Variants in REEP1 observed in about 807,000 individuals in gnomAD.
REEP1 encodes receptor accessory protein 1.
REEP1 carries 22 observed loss-of-function variants against 40.3 expected under a neutral mutation model. The ratio of observed to expected loss-of-function variants is 0.55; its 90% CI spans 0.39 to 0.78. REEP1 has a LOEUF of 0.78. Ranked by LOEUF, REEP1 falls within the 30% of genes least tolerant of loss-of-function variation. The pLI is 0.00. For synonymous variants in REEP1, 116 were observed against 139.2 expected (o/e 0.83, Z 1.17); for missense variants, 280 against 361.1 (o/e 0.78, Z 1.82).
chr2:86,239,414 A>T (rs59254005), intron 5 of REEP1, among the ~76,000 whole-genome samples: 3,250 of 152,236 alleles, frequency 0.021, 119 homozygotes, highest in African/African-American at 0.072. Context: ...ACTTGACACA[A>T]TATCTAATGC....
At chr2:86,251,687 G>A (rs1676281256) in intron 5 of REEP1, 2 of 510,634 alleles carry the variant, frequency 3.9e-6, no homozygotes, top group Non-Finnish European at 7.1e-6. Context: ...GGTTGGATAA[G>A]TTAGAAATTC....
chr2:86,221,856 C>T (rs1183790002), intron 7 of REEP1, among the ~76,000 whole-genome samples: 3 of 152,192 alleles, frequency 2.0e-5, no homozygotes, highest in Non-Finnish European at 4.4e-5. Context: ...ACACAGATAC[C>T]TCCTGCCTGG....
At chr2:86,284,719 C>T (rs1181025016) in intron 1 of REEP1, among the ~76,000 whole-genome samples, 1 of 152,136 alleles carries the variant, frequency 6.6e-6, no homozygotes, top group Non-Finnish European at 1.5e-5. Context: ...TACAGCGCTA[C>T]CCAGGAGCTG....
At chr2:86,225,690 G>T (rs149473283) in intron 7 of REEP1, among the ~76,000 whole-genome samples, 3 of 152,250 alleles carry the variant, frequency 2.0e-5, no homozygotes, top group Non-Finnish European at 2.9e-5. Flanking sequence ...GCTCACTGCC[G>T]ATGTGGGAGG....
intron 5 of REEP1, among the ~76,000 whole-genome samples, chr2:86,233,607 T>C (rs1167862470): frequency 6.6e-6 from 1 of 152,076 alleles, no homozygotes; most frequent in Non-Finnish European, 1.5e-5. Flanking sequence ...ATGATCACAG[T>C]GAAGGCTCAG....
intron 5 of REEP1, among the ~76,000 whole-genome samples, chr2:86,249,908 G>A (rs930178891): frequency 6.6e-6 from 1 of 152,144 alleles, no homozygotes; most frequent in East Asian, 1.9e-4. Flanking sequence ...AGCCCCACAA[G>A]GCAGAAAATT....
chr2:86,316,914 A>G (rs116387700), intron 1 of REEP1, among the ~76,000 whole-genome samples: 4,588 of 152,334 alleles, frequency 0.03, 119 homozygotes, highest in East Asian at 0.07. Flanking sequence ...AGTATCAGAC[A>G]AGATACCCTG....
intron 2 of REEP1, among the ~76,000 whole-genome samples, chr2:86,280,943 TAA>T (rs1678049738): frequency 6.6e-6 from 1 of 152,128 alleles, no homozygotes; most frequent in African/African-American, 2.4e-5. Context: ...GACATCTGAG[TAA>T]AAGAGGCAAA....
chr2:86,239,208 CAAAAAAAAAAAAA>C (rs35714309), intron 5 of REEP1, among the ~76,000 whole-genome samples: 1 of 58,360 alleles, frequency 1.7e-5, no homozygotes, highest in Admixed American at 2.5e-4. Flanking sequence ...CCATCTAGAC[CAAAAAAAAAAAAA>C]AAAAAAAAAA....
intron 2 of REEP1, among the ~76,000 whole-genome samples, chr2:86,275,217 G>C (rs1677692936): frequency 6.6e-6 from 1 of 150,756 alleles, no homozygotes; most frequent in African/African-American, 2.5e-5. Context: ...TATAGTCAGG[G>C]GTGACCCTAG....
chr2:86,333,612 T>C (rs980697353), intron 1 of REEP1, among the ~76,000 whole-genome samples: 1 of 152,194 alleles, frequency 6.6e-6, no homozygotes, highest in African/African-American at 2.4e-5. Context: ...GCCAAGACAA[T>C]GAGGCAATAC....
chr2:86,268,643 T>C (rs2104330283), intron 2 of REEP1, among the ~76,000 whole-genome samples: 1 of 152,160 alleles, frequency 6.6e-6, no homozygotes, highest in South Asian at 2.1e-4. Flanking sequence ...AAAGTTTATA[T>C]GGAAAGGTAA....
chr2:86,330,711 G>A (rs1680727262), intron 1 of REEP1, among the ~76,000 whole-genome samples: 1 of 151,988 alleles, frequency 6.6e-6, no homozygotes, highest in South Asian at 2.1e-4. Flanking sequence ...CTCCCAAAGT[G>A]CTGGGATTAC....
intron 1 of REEP1, among the ~76,000 whole-genome samples, chr2:86,295,345 C>A (rs1678925980): frequency 6.6e-6 from 1 of 152,228 alleles, no homozygotes; most frequent in South Asian, 2.1e-4. Flanking sequence ...GGCTGCACAG[C>A]TCCAAGGGCC....
intron 7 of REEP1, among the ~76,000 whole-genome samples, chr2:86,225,816 C>T (rs957474189): frequency 2.6e-5 from 4 of 152,244 alleles, no homozygotes; most frequent in African/African-American, 9.6e-5. Flanking sequence ...CACGGCCCCT[C>T]TTGCCTTCCA....
intron 4 of REEP1, among the ~76,000 whole-genome samples, chr2:86,254,386 GCT>G (rs1676434093): frequency 6.6e-6 from 1 of 152,156 alleles, no homozygotes. Flanking sequence ...AAGGACAGGG[GCT>G]AAGCATGACA....
intron 1 of REEP1, among the ~76,000 whole-genome samples, chr2:86,310,438 A>G (rs2104482774): frequency 6.6e-6 from 1 of 152,302 alleles, no homozygotes; most frequent in Middle Eastern, 3.4e-3. Flanking sequence ...TGTAGCCTAG[A>G]TGGGTAGCAG....
At chr2:86,311,098 G>A (rs764095519) in intron 1 of REEP1, among the ~76,000 whole-genome samples, 42 of 152,084 alleles carry the variant, frequency 2.8e-4, no homozygotes, top group Non-Finnish European at 1.9e-4. Context: ...GCCAATTCAC[G>A]GAAATCAGGA....
rs768095087 is a variant in REEP1 at position 86,232,728 on chromosome 2, G to A, written c.492C>T (p.Ala164=). 3 of 1,609,188 alleles carry A rather than the reference G, an allele frequency of 1.9e-6. No individual in the cohort carries two copies. Among genetic ancestry groups the A allele is most frequent in the South Asian group, 1.1e-5 (1 of 91,088 alleles). The change falls in exon 6 of 9, where the codon GCC becomes GCT. Residue 164 remains alanine (A), a synonymous_variant. Transcript: ENST00000538924. ...GTGGTGGGGGGCCCGAGGGAGCAGGGGCGCCGTCTCCCCTGATGGTGGTGA... is the reference window on the plus strand; with the variant it reads ...GTGGTGGGGGGCCCGAGGGAGCAGGAGCGCCGTCTCCCCTGATGGTGGTGA... ...QDLTTIRGDG[A]PAPSGPPPPG...
Sources: allele counts gnomAD v4.1 joint callset (sites outside exome capture counted in the v4.1 genomes callset), GRCh38; gene constraint gnomAD v4.1.1; transcripts MANE v1.5; gene names NCBI Gene and HGNC (gene_info 2026-07-23, HGNC 2026-07-21).